SOX6: variants seen among roughly 807,000 people sequenced by gnomAD.
SOX6 encodes the protein transcription factor SOX-6.
SOX6 carries 11 observed loss-of-function variants against 97.8 expected under a neutral mutation model. That is an observed-to-expected ratio of 0.11 (90% CI 0.07 to 0.19). SOX6 has a LOEUF of 0.19. Among genes scored for constraint, SOX6 ranks in the 10% least tolerant of loss-of-function variants. The pLI is 1.00. For missense variants in SOX6, 810 were observed against 1,039.5 expected (o/e 0.78, Z 3.04); for synonymous variants, 360 against 371.4 (o/e 0.97, Z 0.35).
intron 3 of SOX6, among the ~76,000 whole-genome samples, chr11:16,652,712 T>C (rs569883783): frequency 7.2e-5 from 11 of 152,188 alleles, no homozygotes; most frequent in African/African-American, 2.6e-4. Flanking sequence ...TGCAAAGAGT[T>C]CATGACCAAG....
chr11:16,398,859 A>T (rs1160468716), intron 1 of SOX6, among the ~76,000 whole-genome samples: 1 of 151,278 alleles, frequency 6.6e-6, no homozygotes, highest in Non-Finnish European at 1.5e-5. Flanking sequence ...AACCCTTGAG[A>T]ACTGGAATGA....
intron 13 of SOX6, among the ~76,000 whole-genome samples, chr11:16,013,704 C>CA (rs1268257856): frequency 1.1e-4 from 16 of 149,470 alleles, no homozygotes; most frequent in African/African-American, 3.7e-4. Flanking sequence ...AACACCTGGT[C>CA]TCCCAAACTA....
intron 13 of SOX6, among the ~76,000 whole-genome samples, chr11:16,009,082 C>T (rs1290355478): frequency 6.6e-6 from 1 of 151,964 alleles, no homozygotes; most frequent in Non-Finnish European, 1.5e-5. Context: ...TTAATGTTCC[C>T]TCTGATTTAC....
chr11:16,594,717 G>T lies in SOX6; in HGVS notation n.609+17364C>A, dbSNP rs200888350. ...TTTTTTTTTTTTTTTTTTAGACAGG[G>T]TCTCACTCTGTCACCCAGGCTGTAG... is the stretch of plus-strand genomic sequence containing the variant. On this transcript the variant is annotated intron_variant and non_coding_transcript_variant, in intron 4 of 5. Transcript: ENST00000524520. Among the ~76,000 whole-genome samples the T allele has an allele frequency of 5.5e-4, 56 of 101,258 alleles. No homozygotes were observed. The East Asian group carries it at 0.02, about 37-fold the overall frequency. The allele number at this position is 101,258 out of a possible 152,430, so 66.4% of individuals were successfully genotyped here.
intron 13 of SOX6, among the ~76,000 whole-genome samples, chr11:16,001,141 A>G (rs1428288487): frequency 4.6e-5 from 7 of 152,180 alleles, no homozygotes; most frequent in East Asian, 1.9e-4. Flanking sequence ...CTGGGATTAC[A>G]GACGTGAGCC....
intron 12 of SOX6, among the ~76,000 whole-genome samples, chr11:16,026,593 T>C (rs1346949769): frequency 6.6e-6 from 1 of 152,184 alleles, no homozygotes; most frequent in Non-Finnish European, 1.5e-5. Flanking sequence ...AGACTGCTGC[T>C]AAGAAGAGGG....
intron 1 of SOX6, among the ~76,000 whole-genome samples, chr11:16,460,787 T>C (rs1359568829): frequency 1.3e-5 from 2 of 152,098 alleles, no homozygotes; most frequent in Non-Finnish European, 2.9e-5. Context: ...AGATGCCATG[T>C]ACTAATCCCT....
At chr11:16,076,364 G>T (rs1848351330) in intron 9 of SOX6, among the ~76,000 whole-genome samples, 1 of 149,828 alleles carries the variant, frequency 6.7e-6, no homozygotes, top group Admixed American at 6.6e-5. Flanking sequence ...ATCTGAAAAA[G>T]GTCTAATATG....
At chr11:16,642,136 T>C (rs1848926189) in intron 3 of SOX6, among the ~76,000 whole-genome samples, 1 of 152,190 alleles carries the variant, frequency 6.6e-6, no homozygotes, top group African/African-American at 2.4e-5. Flanking sequence ...TGCTTGTCTG[T>C]AAAGTATTTT....
intron 4 of SOX6, among the ~76,000 whole-genome samples, chr11:16,521,303 C>G (rs181011120): frequency 6.6e-6 from 1 of 152,282 alleles, no homozygotes; most frequent in Non-Finnish European, 1.5e-5. Flanking sequence ...AACGATCAGA[C>G]AGCAGCATTC....
chr11:16,189,144 A>G (rs2134110063), intron 4 of SOX6, among the ~76,000 whole-genome samples: 1 of 152,370 alleles, frequency 6.6e-6, no homozygotes, highest in South Asian at 2.1e-4. Flanking sequence ...CTACATAGGA[A>G]TACAAATAAG....
chr11:16,129,578 A>G (rs571443646), intron 6 of SOX6, among the ~76,000 whole-genome samples: 1 of 152,288 alleles, frequency 6.6e-6, no homozygotes, highest in African/African-American at 2.4e-5. Flanking sequence ...ATGTAACAGT[A>G]TGTAAAAAGG....
chr11:16,422,062 C>A (rs567388999), intron 1 of SOX6, among the ~76,000 whole-genome samples: 8 of 152,110 alleles, frequency 5.3e-5, no homozygotes, highest in Non-Finnish European at 1.0e-4. Context: ...TTCATCCATA[C>A]CATGTCATTT....
chr11:16,679,703 G>A (rs1264194249), intron 3 of SOX6, among the ~76,000 whole-genome samples: 1 of 152,112 alleles, frequency 6.6e-6, no homozygotes, highest in African/African-American at 2.4e-5. Flanking sequence ...CCATCACAAG[G>A]AAGTTAAAAA....
In SOX6 at chr11:15,967,573, G is replaced by A. The variant is rs1853174455; in HGVS notation, c.*5236C>T. The stretch of plus-strand genomic sequence containing the variant: ...AATAATGAATGAACATAAATGCTAA[G>A]CATTCTAATTTGCTACAAGCTGGAG... On this transcript the variant is annotated 3_prime_UTR_variant, in exon 16 of 16. Coordinates refer to ENST00000683767, the MANE Select transcript of SOX6 (RefSeq NM_001367873.1). 6.6e-6 allele frequency: 1 copy of A among 152,128 alleles called. No homozygotes were observed. 9.4% of individuals were successfully genotyped at this position (152,128 alleles called of 1,614,324 possible).
At chr11:16,487,400 T>TAAA (rs1860454265) in intron 4 of SOX6, among the ~76,000 whole-genome samples, 1 of 152,078 alleles carries the variant, frequency 6.6e-6, no homozygotes, top group Non-Finnish European at 1.5e-5. Context: ...CAAAGCATAA[T>TAAA]CCCAGACCTC....
chr11:16,167,802 T>C (rs1850925799), intron 6 of SOX6, among the ~76,000 whole-genome samples: 1 of 152,186 alleles, frequency 6.6e-6, no homozygotes. Flanking sequence ...AAAATTGCAG[T>C]ACCTCTTTCC....
intron 9 of SOX6, among the ~76,000 whole-genome samples, chr11:16,082,220 G>A (rs1370132591): frequency 1.3e-5 from 2 of 152,100 alleles, no homozygotes; most frequent in African/African-American, 2.4e-5. Flanking sequence ...TGTGAAAAAG[G>A]GACACAGCAG....
At chr11:16,524,975 T>C (rs1861132779) in intron 4 of SOX6, among the ~76,000 whole-genome samples, 2 of 152,010 alleles carry the variant, frequency 1.3e-5, no homozygotes, top group Non-Finnish European at 2.9e-5. Flanking sequence ...CTCAATGAAA[T>C]AAAAGAGGAT....
Sources: allele counts gnomAD v4.1 joint callset (sites outside exome capture counted in the v4.1 genomes callset), GRCh38; gene constraint gnomAD v4.1.1; transcripts MANE v1.5; gene names NCBI Gene and HGNC (gene_info 2026-07-23, HGNC 2026-07-21).